FAM135B: variants seen among roughly 807,000 people sequenced by gnomAD.
FAM135B encodes protein FAM135B.
FAM135B carries 43 observed loss-of-function variants against 127.7 expected under a neutral mutation model. The observed-to-expected ratio is 0.34, with a 90% CI of 0.26 to 0.43. FAM135B has a LOEUF of 0.43. Ranked by LOEUF, FAM135B falls within the 20% of genes least tolerant of loss-of-function variation. The pLI, the probability that FAM135B is intolerant of heterozygous loss-of-function variation, is 1.00. For synonymous variants in FAM135B, 670 were observed against 665.1 expected (o/e 1.01, Z -0.11); for missense variants, 1,558 against 1,725.6 (o/e 0.90, Z 1.72).
intron 1 of FAM135B, among the ~76,000 whole-genome samples, chr8:138,452,124 CTTTT>C (rs1158033996): frequency 9.6e-6 from 1 of 104,184 alleles, no homozygotes; most frequent in African/African-American, 3.7e-5. Flanking sequence ...ACCCAATCTG[CTTTT>C]TTTTTTTTTT....
chr8:138,161,618 T>C (rs1156755929), intron 12 of FAM135B, among the ~76,000 whole-genome samples: 3 of 152,228 alleles, frequency 2.0e-5, no homozygotes, highest in Admixed American at 6.5e-5. Context: ...ACTGAGACAC[T>C]ACATAGCTAA....
At chr8:138,317,376 G>T (rs1563892034) in intron 2 of FAM135B, among the ~76,000 whole-genome samples, 1 of 152,174 alleles carries the variant, frequency 6.6e-6, no homozygotes, top group African/African-American at 2.4e-5. Flanking sequence ...AGGCAAGCGG[G>T]TGTGGCTATC....
intron 2 of FAM135B, among the ~76,000 whole-genome samples, chr8:138,367,058 C>T (rs1278478808): frequency 6.6e-6 from 1 of 152,062 alleles, no homozygotes; most frequent in Non-Finnish European, 1.5e-5. Flanking sequence ...CCAGCTGAGC[C>T]CAGTCCAAAC....
At chr8:138,142,887 A>G in intron 16 of FAM135B, 125 bp downstream of exon 16, 2 of 602,354 alleles carry the variant, frequency 3.3e-6, no homozygotes, top group South Asian at 4.2e-5. Context: ...GTAATTTATT[A>G]AAAGTCACAA....
chr8:138,492,849 C>G (rs377007755), intron 1 of FAM135B, among the ~76,000 whole-genome samples: 85 of 152,312 alleles, frequency 5.6e-4, no homozygotes, highest in African/African-American at 1.9e-3. Flanking sequence ...CGCAGACCCC[C>G]GGCATTGCCT....
chr8:138,408,769 C>A (rs1275453686), intron 1 of FAM135B, among the ~76,000 whole-genome samples: 1 of 152,066 alleles, frequency 6.6e-6, no homozygotes, highest in African/African-American at 2.4e-5. Flanking sequence ...CCCTCACTAC[C>A]ATGAGAACAG....
chr8:138,347,390 G>T (rs949302296), intron 2 of FAM135B, among the ~76,000 whole-genome samples: 8 of 152,172 alleles, frequency 5.3e-5, no homozygotes, highest in Non-Finnish European at 1.5e-5. Context: ...AGATGGCAAT[G>T]CTTATAGAAG....
chr8:138,214,630 C>T (rs7464857), intron 7 of FAM135B, among the ~76,000 whole-genome samples: 109,942 of 151,976 alleles, frequency 0.72, 39,989 homozygotes, highest in East Asian at 0.82. Context: ...ATCCTGTTGT[C>T]TAAAATACAT....
chr8:138,275,075 A>T (rs918231506), intron 3 of FAM135B, among the ~76,000 whole-genome samples: 1 of 152,194 alleles, frequency 6.6e-6, no homozygotes, highest in Non-Finnish European at 1.5e-5. Flanking sequence ...GTGTCCATGA[A>T]ATCTTTACAA....
intron 2 of FAM135B, among the ~76,000 whole-genome samples, chr8:138,363,650 AGT>A (rs1830573023): frequency 6.6e-6 from 1 of 152,228 alleles, no homozygotes; most frequent in Non-Finnish European, 1.5e-5. Context: ...ATTACAAGGC[AGT>A]GTGCATTCTC....
At chr8:138,484,744 G>GA (rs1040907994) in intron 1 of FAM135B, among the ~76,000 whole-genome samples, 3 of 150,276 alleles carry the variant, frequency 2.0e-5, no homozygotes, top group Admixed American at 6.6e-5. Flanking sequence ...GGGAAAGGAA[G>GA]AAAAAAAAAG....
intron 3 of FAM135B, among the ~76,000 whole-genome samples, chr8:138,300,599 C>T (rs1200557989): frequency 6.6e-6 from 1 of 152,138 alleles, no homozygotes; most frequent in East Asian, 1.9e-4. Context: ...GAAGAAAAGA[C>T]TAAATCATGT....
chr8:138,202,139 A>T (rs1817181318), intron 7 of FAM135B, among the ~76,000 whole-genome samples: 1 of 150,990 alleles, frequency 6.6e-6, no homozygotes, highest in Non-Finnish European at 1.5e-5. Flanking sequence ...AAAAAAAAAA[A>T]AGGCACCTCT....
chr8:138,372,775 G>T (rs1219095757), intron 1 of FAM135B, among the ~76,000 whole-genome samples: 1 of 152,226 alleles, frequency 6.6e-6, no homozygotes, highest in Non-Finnish European at 1.5e-5. Flanking sequence ...TTACAGCCTT[G>T]TTTGGTTTTC....
chr8:138,141,483 G>T lies in FAM135B; in HGVS notation c.3639-134C>A. 1 of 885,768 alleles carries T rather than the reference G, an allele frequency of 1.1e-6. No homozygotes were observed. The highest frequency in any genetic ancestry group is 1.8e-6 in the Non-Finnish European group (1 of 559,786). 54.9% of individuals were successfully genotyped at this position (885,768 alleles called of 1,614,324 possible). A position where few individuals can be genotyped will look rare whatever the true frequency, so the allele number is the denominator to read the frequency against. On this transcript the variant is annotated intron_variant, in intron 16 of 19. Transcript: ENST00000395297. This position sits in a 1 kb window ranked among gnomAD's most constrained non-coding sequence, Gnocchi z 4.7. ...TAGGGGAACTGGCAAAGAGAACAGG[G>T]ACTGCCAACTCAACCTCATCAGGTT...
intron 1 of FAM135B, among the ~76,000 whole-genome samples, chr8:138,446,874 C>T (rs1374640967): frequency 1.3e-5 from 2 of 151,782 alleles, no homozygotes; most frequent in Non-Finnish European, 2.9e-5. Context: ...AGGCAACCTA[C>T]AGAATGGGAG....
In FAM135B at chr8:138,130,458, A is replaced by G. The variant is rs1285315414; in HGVS notation, c.*2135T>C. 1 of 152,216 alleles carries G rather than the reference A, an allele frequency of 6.6e-6. No homozygotes were observed. The highest frequency in any genetic ancestry group is 1.5e-5 in the Non-Finnish European group (1 of 68,044). The allele number at this position is 152,216 out of a possible 1,614,324, so 9.4% of individuals were successfully genotyped here. Reference sequence around the variant, plus strand: ...ATTGCCATTAGTTCTCACTATGTCCAGACAGCATATTGAAGTTAAAAATGG... The same window carrying G: ...ATTGCCATTAGTTCTCACTATGTCCGGACAGCATATTGAAGTTAAAAATGG... On this transcript the variant is annotated 3_prime_UTR_variant, in exon 20 of 20. Transcript: ENST00000395297.
intron 12 of FAM135B, among the ~76,000 whole-genome samples, chr8:138,158,656 G>T (rs1819032834): frequency 6.6e-6 from 1 of 151,914 alleles, no homozygotes; most frequent in Admixed American, 6.6e-5. Context: ...CTTCTCAAAA[G>T]AAGACATTTA....
At chr8:138,227,352 GC>G (rs1819538281) in intron 7 of FAM135B, among the ~76,000 whole-genome samples, 1 of 152,224 alleles carries the variant, frequency 6.6e-6, no homozygotes, top group Admixed American at 6.5e-5. Context: ...ATCAAGGGCA[GC>G]CCACGCAGTT....
Sources: allele counts gnomAD v4.1 joint callset (sites outside exome capture counted in the v4.1 genomes callset), GRCh38; gene constraint gnomAD v4.1.1; non-coding constraint Gnocchi (gnomAD v3.1); transcripts MANE v1.5; gene names NCBI Gene and HGNC (gene_info 2026-07-23, HGNC 2026-07-21).